The following DACH1 variants were observed in gnomAD, a reference collection of about 807,000 sequenced individuals.
The protein encoded by DACH1 is dachshund family transcription factor 1.
Under a neutral mutation model 54.2 loss-of-function variants are expected in DACH1, and 12 were observed. The observed-to-expected ratio is 0.22, with a 90% CI of 0.14 to 0.36. DACH1 has a LOEUF of 0.36. DACH1 is among the 10% of genes least tolerant of loss of function. The pLI, the probability that DACH1 is intolerant of heterozygous loss-of-function variation, is 1.00. For missense variants in DACH1, 805 were observed against 929.8 expected (o/e 0.87, Z 1.75); for synonymous variants, 386 against 366.2 (o/e 1.05, Z -0.62).
rs761234438 is a variant in DACH1, at chr13:71,556,982, T to C, written c.1570+42A>G. On this transcript the variant is annotated intron_variant, in intron 6 of 10. Coordinates refer to ENST00000613252, the MANE Select transcript of DACH1 (RefSeq NM_080759.6). ...GTGATTAAAATCTAGTTCTAAAATC[T>C]ATTGAATCGGGAAAAACAAGGAATA... is the stretch of plus-strand genomic sequence containing the variant. 3.3e-6 allele frequency: 5 copies of C among 1,535,036 alleles called. No individual in the cohort carries two copies. The Admixed American group carries it at 8.2e-5, about 25-fold the overall frequency.
intron 4 of DACH1, among the ~76,000 whole-genome samples, chr13:71,571,093 T>C (rs1000118192): frequency 1.3e-5 from 2 of 152,304 alleles, no homozygotes; most frequent in East Asian, 1.9e-4. Flanking sequence ...TTCTGTAATA[T>C]GTTTGCCTTA....
chr13:71,848,825 C>T (rs1873470771), intron 1 of DACH1, among the ~76,000 whole-genome samples: 1 of 152,136 alleles, frequency 6.6e-6, no homozygotes, highest in Non-Finnish European at 1.5e-5. Context: ...TCACCTGGCC[C>T]AGATGACAAT....
At chr13:71,449,223 G>T (rs1445385159) in intron 10 of DACH1, among the ~76,000 whole-genome samples, 1 of 152,134 alleles carries the variant, frequency 6.6e-6, no homozygotes, top group Non-Finnish European at 1.5e-5. Flanking sequence ...CTACTCAGGA[G>T]GCTGAGGCAG....
At chr13:71,622,901 T>A (rs1876351968) in intron 3 of DACH1, among the ~76,000 whole-genome samples, 1 of 151,732 alleles carries the variant, frequency 6.6e-6, no homozygotes. Context: ...AACAAAAACA[T>A]TGCATAATAT....
chr13:71,456,930 T>C (rs9564830), intron 10 of DACH1, among the ~76,000 whole-genome samples: 16,631 of 151,976 alleles, frequency 0.11, 1,575 homozygotes, highest in East Asian at 0.41. Context: ...GATGACTCTA[T>C]TACCAAATGC....
At chr13:71,773,808 T>C (rs1248320627) in intron 1 of DACH1, among the ~76,000 whole-genome samples, 2 of 152,036 alleles carry the variant, frequency 1.3e-5, no homozygotes, top group Non-Finnish European at 2.9e-5. Context: ...TTTATTATCA[T>C]TGAGAATATA....
At chr13:71,831,215 A>C (rs558786646) in intron 1 of DACH1, among the ~76,000 whole-genome samples, 3 of 152,034 alleles carry the variant, frequency 2.0e-5, no homozygotes, top group Admixed American at 2.0e-4. Flanking sequence ...CTATTTCCTC[A>C]GTAACTCTTA....
chr13:71,690,391 C>T (rs1043288847), intron 1 of DACH1, among the ~76,000 whole-genome samples: 2 of 152,054 alleles, frequency 1.3e-5, no homozygotes, highest in African/African-American at 4.8e-5. Flanking sequence ...TTTTAATCAC[C>T]TTACAGTTTT....
In DACH1 at chr13:71,703,868, A is replaced by G. The variant is rs78114880; in HGVS notation, c.849-21958T>C. ...TGTTAAGACAGATATATTGATAAAC[A>G]CTGACTTACTAAATATTGTACCTGA... On this transcript the variant is annotated intron_variant, in intron 1 of 10. Transcript: ENST00000613252. 0.017 allele frequency among the ~76,000 whole-genome samples: 2,537 copies of G among 152,296 alleles called. 129 individuals are homozygous for G. In the East Asian group the frequency reaches 0.21, roughly 12 times the overall value.
intron 1 of DACH1, among the ~76,000 whole-genome samples, chr13:71,799,655 T>C (rs946891058): frequency 1.3e-5 from 2 of 152,130 alleles, no homozygotes; most frequent in African/African-American, 4.8e-5. Flanking sequence ...GGCATTTCTA[T>C]GATGGAATTC....
At chr13:71,530,278 A>C (rs990653795) in intron 6 of DACH1, among the ~76,000 whole-genome samples, 1 of 152,218 alleles carries the variant, frequency 6.6e-6, no homozygotes, top group Admixed American at 6.5e-5. Context: ...TTCAGAGGTC[A>C]CATTGCACTT....
In DACH1 at chr13:71,866,286, T is replaced by C. The variant is rs1478922630; in HGVS notation, c.484A>G (p.Ser162Gly). ...TTCCCGGGGAGGGGGCCGCAGCTGC[T>C]GCTGCTACTGCTGCTGCTGCTACTA... ...SSSSSSSSSS[S>G]SCGPLPGKPV... The change falls in exon 1 of 11, where the codon AGC becomes GGC. Residue 162 changes from serine (S) to glycine (G), a missense_variant. This residue lies in a region of DACH1 where 305 missense variants were observed against 308.7 expected (regional missense o/e 0.99). Transcript: ENST00000613252. The C allele has an allele frequency of 6.4e-7, 1 of 1,571,036 alleles. No individual in the cohort carries two copies. Among genetic ancestry groups the C allele is most frequent in the East Asian group, 2.4e-5 (1 of 42,396 alleles).
At chr13:71,462,217 A>AAAT (rs1876138787) in intron 10 of DACH1, among the ~76,000 whole-genome samples, 1 of 152,046 alleles carries the variant, frequency 6.6e-6, no homozygotes, top group South Asian at 2.1e-4. Context: ...CACTATATGA[A>AAAT]AATACAAATC....
chr13:71,500,146 T>A (rs1879789641), intron 6 of DACH1, among the ~76,000 whole-genome samples: 1 of 152,188 alleles, frequency 6.6e-6, no homozygotes, highest in South Asian at 2.1e-4. Flanking sequence ...GCCCTTATTG[T>A]GCTGTGACCT....
intron 3 of DACH1, among the ~76,000 whole-genome samples, chr13:71,601,057 G>A (rs926756509): frequency 2.0e-5 from 3 of 151,686 alleles, no homozygotes; most frequent in African/African-American, 4.8e-5. Flanking sequence ...TCATATCTGT[G>A]CCAAAGTAGG....
chr13:71,787,079 C>T (rs565616995), intron 1 of DACH1, among the ~76,000 whole-genome samples: 7 of 152,110 alleles, frequency 4.6e-5, no homozygotes, highest in South Asian at 2.1e-4. Context: ...TTCTTCAATG[C>T]GAACTACAAG....
chr13:71,819,162 C>A (rs1036781640), intron 1 of DACH1, among the ~76,000 whole-genome samples: 1 of 152,132 alleles, frequency 6.6e-6, no homozygotes, highest in African/African-American at 2.4e-5. Flanking sequence ...AGTCTCCCTG[C>A]AAGAACTGTG....
rs75498386 is a variant in DACH1 at position 71,820,228 on chromosome 13, C to T, written c.848+45694G>A. Among the ~76,000 whole-genome samples the T allele has an allele frequency of 6.7e-3, 1,016 of 151,996 alleles. 3 individuals are homozygous for T. The highest frequency in any genetic ancestry group is 0.016 in the African/African-American group (662 of 41,442). ...AGTCCAGTGCATCTACTGCACTGCCCGAGAGATTGGCTGGGTCTGCCAAGG... is the reference window on the plus strand; with the variant it reads ...AGTCCAGTGCATCTACTGCACTGCCTGAGAGATTGGCTGGGTCTGCCAAGG... On this transcript the variant is annotated intron_variant, in intron 1 of 10. Coordinates refer to ENST00000613252, the MANE Select transcript of DACH1 (RefSeq NM_080759.6).
intron 1 of DACH1, among the ~76,000 whole-genome samples, chr13:71,741,285 G>GAA (rs1211109091): frequency 6.6e-6 from 1 of 152,096 alleles, no homozygotes; most frequent in Non-Finnish European, 1.5e-5. Flanking sequence ...TGATTATTGG[G>GAA]AAAAGAGAAG....
Sources: gnomAD v4.1 joint callset for allele counts (sites outside exome capture counted in the v4.1 genomes callset) on GRCh38, gnomAD v4.1.1 for gene constraint, gnomAD v4.1.1 regional missense constraint, MANE v1.5 for transcripts, NCBI Gene and HGNC (gene_info 2026-07-23, HGNC 2026-07-21) for gene names.